CPNE4: variants seen among roughly 807,000 people sequenced by gnomAD.
The protein encoded by CPNE4 is copine-4.
A neutral mutation model predicts 67.9 loss-of-function variants in CPNE4; 25 were observed. The ratio of observed to expected loss-of-function variants is 0.37; its 90% CI spans 0.27 to 0.51. The LOEUF (loss-of-function observed/expected upper bound fraction) is 0.51, where lower values mean the gene tolerates loss of function less well. Ranked by LOEUF, CPNE4 falls within the 20% of genes least tolerant of loss-of-function variation. CPNE4 has a pLI of 0.93. For missense variants in CPNE4, 464 were observed against 690.8 expected (o/e 0.67, Z 3.68); for synonymous variants, 242 against 244.9 (o/e 0.99, Z 0.11).
chr3:131,881,460 T>C (rs1391648604), intron 2 of CPNE4, among the ~76,000 whole-genome samples: 1 of 152,042 alleles, frequency 6.6e-6, no homozygotes, highest in Non-Finnish European at 1.5e-5. Flanking sequence ...CCCCATGAGG[T>C]GTATTCTCCC....
chr3:131,547,068 C>T (rs1935888749), intron 14 of CPNE4, among the ~76,000 whole-genome samples: 1 of 152,052 alleles, frequency 6.6e-6, no homozygotes, highest in African/African-American at 2.4e-5. Flanking sequence ...TTCAAATTTG[C>T]TCCAAGACCT....
At chr3:131,819,114 C>A (rs2084858600) in intron 2 of CPNE4, among the ~76,000 whole-genome samples, 1 of 151,886 alleles carries the variant, frequency 6.6e-6, no homozygotes, top group Non-Finnish European at 1.5e-5. Flanking sequence ...CAAAAAAACA[C>A]AAACAAACCA....
At chr3:131,815,859 T>TTG (rs2084717913) in intron 2 of CPNE4, among the ~76,000 whole-genome samples, 2 of 151,880 alleles carry the variant, frequency 1.3e-5, no homozygotes, top group African/African-American at 4.8e-5. Context: ...TTTGCAGAAC[T>TTG]TCTTTGTCTT....
chr3:131,606,235 C>T (rs550570355), intron 7 of CPNE4, among the ~76,000 whole-genome samples: 7 of 152,200 alleles, frequency 4.6e-5, no homozygotes, highest in Non-Finnish European at 8.8e-5. Flanking sequence ...AACTTGATTA[C>T]TATGTATTTC....
chr3:131,785,355 T>C (rs1315124998), intron 2 of CPNE4, among the ~76,000 whole-genome samples: 1 of 152,058 alleles, frequency 6.6e-6, no homozygotes, highest in African/African-American at 2.4e-5. Context: ...GCAACTCTCT[T>C]CTTCCAGATA....
intron 2 of CPNE4, among the ~76,000 whole-genome samples, chr3:131,811,626 T>C (rs542434844): frequency 5.6e-4 from 85 of 152,256 alleles, no homozygotes; most frequent in Middle Eastern, 3.4e-3. Context: ...TCTGAGAATA[T>C]TATTCAAATT....
chr3:131,782,322 T>C (rs1243899469), intron 2 of CPNE4, among the ~76,000 whole-genome samples: 2 of 152,144 alleles, frequency 1.3e-5, no homozygotes, highest in Non-Finnish European at 2.9e-5. Context: ...TCATCTCTAT[T>C]CAAACATTTA....
intron 1 of CPNE4, among the ~76,000 whole-genome samples, chr3:131,956,538 C>T (rs1221385371): frequency 6.6e-6 from 1 of 152,006 alleles, no homozygotes; most frequent in African/African-American, 2.4e-5. Flanking sequence ...CAGTAAAATT[C>T]TACTTTTGTG....
intron 5 of CPNE4, among the ~76,000 whole-genome samples, chr3:131,694,241 T>A (rs73871391): frequency 0.013 from 1,993 of 152,266 alleles, 40 homozygotes; most frequent in African/African-American, 0.045. Flanking sequence ...CTTTTAGTCA[T>A]ACAATAACTA....
At chr3:131,591,070 TTC>T (rs1217291275) in intron 7 of CPNE4, among the ~76,000 whole-genome samples, 1 of 152,214 alleles carries the variant, frequency 6.6e-6, no homozygotes, top group Admixed American at 6.5e-5. Flanking sequence ...TCAGATATTT[TTC>T]TCTCTTTGTG....
intron 1 of CPNE4, among the ~76,000 whole-genome samples, chr3:131,982,389 T>C (rs893801084): frequency 6.6e-5 from 10 of 152,210 alleles, no homozygotes. Context: ...CAGTTATTCA[T>C]TGCACACCTT....
chr3:131,880,509 A>G (rs1346258411), intron 2 of CPNE4, among the ~76,000 whole-genome samples: 1 of 152,186 alleles, frequency 6.6e-6, no homozygotes, highest in Non-Finnish European at 1.5e-5. Context: ...CCAAATCACA[A>G]TGAAGTGGGA....
At chr3:131,930,972 A>C (rs1315330851) in intron 1 of CPNE4, among the ~76,000 whole-genome samples, 1 of 152,174 alleles carries the variant, frequency 6.6e-6, no homozygotes, top group Non-Finnish European at 1.5e-5. Flanking sequence ...GTGAGAAAGA[A>C]TGAGCTCACC....
chr3:131,785,671 TTCTCTCTC>T (rs10584037), intron 2 of CPNE4, among the ~76,000 whole-genome samples: 1,880 of 142,438 alleles, frequency 0.013, 18 homozygotes, highest in Non-Finnish European at 0.017. Flanking sequence ...CTTTCTCTCT[TTCTCTCTC>T]TCTCTCTCTC....
chr3:131,732,541 T>C (rs1462846371), intron 2 of CPNE4, among the ~76,000 whole-genome samples: 1 of 152,152 alleles, frequency 6.6e-6, no homozygotes, highest in South Asian at 2.1e-4. Flanking sequence ...CTACAGGCCC[T>C]CCTAGCCGCC....
Position 132,027,291 on chromosome 3 carries a change from G to A in CPNE4, c.-2+7276C>T, listed in dbSNP as rs374943260. Among the ~76,000 whole-genome samples, 10 of 152,246 alleles carry A rather than the reference G, an allele frequency of 6.6e-5. No homozygotes were observed. The South Asian group carries it at 1.2e-3, about 19-fold the overall frequency. Reference sequence around the variant, plus strand: ...ACTGCTGTAACTAGGCCACCAACGAGCTTGAGCAAGTCACTTCACCTTGCT... The same window carrying A: ...ACTGCTGTAACTAGGCCACCAACGAACTTGAGCAAGTCACTTCACCTTGCT... On this transcript the variant is annotated intron_variant, in intron 1 of 15. Transcript: ENST00000429747.
chr3:131,868,486 T>C (rs922964969), intron 2 of CPNE4, among the ~76,000 whole-genome samples: 1 of 152,232 alleles, frequency 6.6e-6, no homozygotes, highest in Non-Finnish European at 1.5e-5. Context: ...ACTCCATGCA[T>C]CTGCTTTAGC....
chr3:131,800,158 CTCAG>C (rs2084050486), intron 2 of CPNE4, among the ~76,000 whole-genome samples: 1 of 152,016 alleles, frequency 6.6e-6, no homozygotes, highest in Admixed American at 6.6e-5. Context: ...TTTTGTAATT[CTCAG>C]TGTTTATTGT....
Position 131,777,507 on chromosome 3 carries a change from C to T in CPNE4, c.181-53882G>A, listed in dbSNP as rs919893495. On this transcript the variant is annotated intron_variant, in intron 2 of 15. Coordinates refer to ENST00000429747, the MANE Select transcript of CPNE4 (RefSeq NM_130808.3). ...CTACCCAAAGGGTAGATGAGGTTGTCCTGCTGGAGGATGATCACATTGGAG... is the reference window on the plus strand; with the variant it reads ...CTACCCAAAGGGTAGATGAGGTTGTTCTGCTGGAGGATGATCACATTGGAG... Among the ~76,000 whole-genome samples the T allele has an allele frequency of 4.0e-5, 6 of 151,642 alleles. No individual in the cohort carries two copies. The East Asian group carries it at 9.7e-4, about 24-fold the overall frequency.
Sources: gnomAD v4.1 joint callset for allele counts (sites outside exome capture counted in the v4.1 genomes callset) on GRCh38, gnomAD v4.1.1 for gene constraint, MANE v1.5 for transcripts, NCBI Gene and HGNC (gene_info 2026-07-23, HGNC 2026-07-21) for gene names.